Variants in CCDC110 observed in about 807,000 individuals in gnomAD.
CCDC110 encodes coiled-coil domain-containing protein 110.
CCDC110 carries 70 observed loss-of-function variants against 77.1 expected under a neutral mutation model. The ratio of observed to expected loss-of-function variants is 0.91; its 90% CI spans 0.75 to 1.11. The LOEUF (loss-of-function observed/expected upper bound fraction) is 1.11, where lower values mean the gene tolerates loss of function less well. Ranked by LOEUF, CCDC110 falls within the 50% of genes least tolerant of loss-of-function variation. CCDC110 has a pLI of 0.00. For missense variants in CCDC110, 868 were observed against 942.9 expected (o/e 0.92, Z 1.04); for synonymous variants, 295 against 312.5 (o/e 0.94, Z 0.59).
chr4:185,446,238 A>G (rs557209232), intron 6 of CCDC110, among the ~76,000 whole-genome samples: 141 of 152,366 alleles, frequency 9.3e-4, no homozygotes, highest in Non-Finnish European at 1.7e-3. Context: ...TAACATTTTT[A>G]TGAATTAAAA....
chr4:185,460,898 T>C, intron 5 of CCDC110, 151 bp downstream of exon 5: 1 of 587,082 alleles, frequency 1.7e-6, no homozygotes. Flanking sequence ...ATACACATCT[T>C]TTAAGGTTTT....
In CCDC110 at chr4:185,445,493, TGA is replaced by T; in HGVS notation, c.*7_*8del. The T allele has an allele frequency of 6.4e-7, 1 of 1,566,940 alleles. No individual in the cohort carries two copies. Among genetic ancestry groups the T allele is most frequent in the Non-Finnish European group, 8.8e-7 (1 of 1,142,610 alleles). On this transcript the variant is annotated 3_prime_UTR_variant, in exon 7 of 7. Transcript: ENST00000307588. ...CTCGAAGGGAGTTTCTTAGCAATCT[TGA>T]GGAATCCTAATGATGCTTGAGAGTT...
At chr4:185,471,084 G>T in intron 1 of CCDC110, 35 bp from the exon 2 acceptor site, 1 of 1,332,866 alleles carries the variant, frequency 7.5e-7, no homozygotes, top group Non-Finnish European at 1.0e-6. Flanking sequence ...TTCTGTCGCG[G>T]GTCGTGGCGT....
At position 185,471,709 on chromosome 4, in the gene CCDC110, C is replaced by T. The variant is rs1272020576; in HGVS notation, c.-26G>A. ...CGCCGCGGCTCATCTCTCTCGCAAC[C>T]GCCGCCGCACGCACCCGCTCCGCCG... On this transcript the variant is annotated 5_prime_UTR_variant, in exon 1 of 7. Coordinates refer to ENST00000307588, the MANE Select transcript of CCDC110 (RefSeq NM_152775.4). The T allele has an allele frequency of 2.0e-6, 3 of 1,533,576 alleles. No homozygotes were observed. Among genetic ancestry groups the T allele is most frequent in the African/African-American group, 1.4e-5 (1 of 69,462 alleles). 95.0% of individuals were successfully genotyped at this position (1,533,576 alleles called of 1,614,324 possible).
intron 6 of CCDC110, among the ~76,000 whole-genome samples, chr4:185,447,001 G>T (rs569676915): frequency 6.6e-6 from 1 of 152,094 alleles, no homozygotes; most frequent in East Asian, 1.9e-4. Flanking sequence ...TGCTGGTAAG[G>T]TTGTTCATTC....
At position 185,471,710 on chromosome 4, in the gene CCDC110, GCCGCCGCACGCACCCGCT is replaced by G. The variant is rs1196352455; in HGVS notation, c.-45_-28del. 7.8e-6 allele frequency: 12 copies of G among 1,532,398 alleles called. No homozygotes were observed. The East Asian group carries it at 3.3e-4, about 43-fold the overall frequency. 94.9% of individuals were successfully genotyped at this position (1,532,398 alleles called of 1,614,324 possible). A position where few individuals can be genotyped will look rare whatever the true frequency, so the allele number is the denominator to read the frequency against. On this transcript the variant is annotated 5_prime_UTR_variant, in exon 1 of 7. Transcript: ENST00000307588. ...GCCGCGGCTCATCTCTCTCGCAACC[GCCGCCGCACGCACCCGCT>G]CCGCCGCCCCGCGCAGGGCATCCTG...
chr4:185,459,825 C>A lies in CCDC110; in HGVS notation c.762G>T (p.Lys254Asn), dbSNP rs2095642743. The A allele has an allele frequency of 1.2e-6, 2 of 1,613,414 alleles. No homozygotes were observed. The highest frequency in any genetic ancestry group is 2.2e-5 in the South Asian group (2 of 90,812). Reference protein sequence around the residue: ...SIKQMKEELQKSHDGEVALTN... With the variant: ...SIKQMKEELQNSHDGEVALTN... ...TAAGTGCCACTTCCCCATCATGTGA[C>A]TTTTGAAGCTCTTCTTTCATTTGTT... The change falls in exon 6 of 7, where the codon AAG becomes AAT. Residue 254 changes from lysine (K) to asparagine (N), a missense_variant. Transcript: ENST00000307588.
chr4:185,457,800 A>G, intron 6 of CCDC110: 1 of 1,442,960 alleles, frequency 6.9e-7, no homozygotes, highest in Non-Finnish European at 9.2e-7. Flanking sequence ...CAAATGATAC[A>G]GTTTACTTGG....
At chr4:185,447,701 A>C (rs996601027) in intron 6 of CCDC110, among the ~76,000 whole-genome samples, 4 of 152,186 alleles carry the variant, frequency 2.6e-5, no homozygotes, top group African/African-American at 9.6e-5. Context: ...CTATGAATTC[A>C]ATTTCAGTAA....
Position 185,458,516 on chromosome 4 carries a change from TATAA to T in CCDC110, c.2067_2070del (p.Tyr690ArgfsTer18), listed in dbSNP as rs1446746110. On this transcript the variant is annotated frameshift_variant, in exon 6 of 7. Transcript: ENST00000307588. LOFTEE classifies it high-confidence loss of function. ...TTGCCAATTTCTGACAAGCTATTCTTATAAATACTTGCTTCTGATTTTGCATTTT... is the reference window on the plus strand; with the variant it reads ...TTGCCAATTTCTGACAAGCTATTCTTATACTTGCTTCTGATTTTGCATTTT... The T allele has an allele frequency of 1.2e-6, 2 of 1,608,536 alleles. No homozygotes were observed. Among genetic ancestry groups the T allele is most frequent in the African/African-American group, 1.3e-5 (1 of 74,676 alleles).
At position 185,459,975 on chromosome 4, in the gene CCDC110, T is replaced by C; in HGVS notation, c.612A>G (p.Leu204=). ...ACATCACATTTGGAGGTGCAGTAGG[T>C]AGAAAACGATAAAAGTTATTATAAT... ...LKNYNNFYRF[L]PTAPPNVMSQ... The change falls in exon 6 of 7, where the codon CTA becomes CTG. Residue 204 remains leucine, a synonymous_variant. Coordinates refer to ENST00000307588, the MANE Select transcript of CCDC110 (RefSeq NM_152775.4). 2 of 1,613,624 alleles carry C rather than the reference T, an allele frequency of 1.2e-6. No homozygotes were observed. Among genetic ancestry groups the C allele is most frequent in the Non-Finnish European group, 8.5e-7 (1 of 1,179,712 alleles).
In CCDC110 at chr4:185,445,256, A is replaced by G. The variant is rs984130982; in HGVS notation, c.*246T>C. The G allele has an allele frequency of 1.2e-6, 1 of 862,010 alleles. No individual in the cohort carries two copies. Among genetic ancestry groups the G allele is most frequent in the African/African-American group, 1.7e-5 (1 of 58,752 alleles). 53.4% of individuals were successfully genotyped at this position (862,010 alleles called of 1,614,324 possible). A position where few individuals can be genotyped will look rare whatever the true frequency, so the allele number is the denominator to read the frequency against. The stretch of plus-strand genomic sequence containing the variant: ...ATGACAAATGTGGGTGACTTTAGAC[A>G]TCTCAGCTCCTTCCATGTACAGGTA... On this transcript the variant is annotated 3_prime_UTR_variant, in exon 7 of 7. Coordinates refer to ENST00000307588, the MANE Select transcript of CCDC110 (RefSeq NM_152775.4).
At chr4:185,470,877 G>A in intron 2 of CCDC110, 68 bp downstream of exon 2, 2 of 1,130,832 alleles carry the variant, frequency 1.8e-6, no homozygotes, top group South Asian at 2.5e-5. Context: ...CAGGTGAGCA[G>A]GTGGCACAGG....
At chr4:185,447,494 T>C (rs1437488055) in intron 6 of CCDC110, among the ~76,000 whole-genome samples, 1 of 152,200 alleles carries the variant, frequency 6.6e-6, no homozygotes, top group Non-Finnish European at 1.5e-5. Context: ...TTATATTTTT[T>C]CAAAACATTT....
chr4:185,446,511 T>A (rs1458243120), intron 6 of CCDC110, among the ~76,000 whole-genome samples: 1 of 152,164 alleles, frequency 6.6e-6, no homozygotes, highest in Non-Finnish European at 1.5e-5. Context: ...AGCTTCAATA[T>A]GTATCCAATT....
chr4:185,462,720 G>C lies in CCDC110; in HGVS notation c.172-12C>G, dbSNP rs572519052. Reference sequence around the variant, plus strand: ...TGCTGCTGAAGGACCTATGACAAAAGTAAAGTATGAAATTGAGTATTTTTA... The same window carrying C: ...TGCTGCTGAAGGACCTATGACAAAACTAAAGTATGAAATTGAGTATTTTTA... On this transcript the variant is annotated splice_polypyrimidine_tract_variant and intron_variant, in intron 3 of 6. Transcript: ENST00000307588. The C allele has an allele frequency of 6.2e-7, 1 of 1,609,714 alleles. No homozygotes were observed. Among genetic ancestry groups the C allele is most frequent in the South Asian group, 1.1e-5 (1 of 90,980 alleles).
intron 2 of CCDC110, among the ~76,000 whole-genome samples, chr4:185,465,487 A>G (rs556792358): frequency 6.6e-6 from 1 of 152,190 alleles, no homozygotes; most frequent in Non-Finnish European, 1.5e-5. Context: ...ACTGTTACTA[A>G]GCAGCTTAGT....
At chr4:185,467,703 A>G (rs2095658750) in intron 2 of CCDC110, among the ~76,000 whole-genome samples, 1 of 152,250 alleles carries the variant, frequency 6.6e-6, no homozygotes, top group Admixed American at 6.5e-5. Context: ...TATTGTATTC[A>G]ATGTATACAA....
At chr4:185,460,945 C>G (rs1305038174) in intron 5 of CCDC110, 104 bp downstream of exon 5, 1 of 663,276 alleles carries the variant, frequency 1.5e-6, no homozygotes, top group Non-Finnish European at 2.9e-6. Context: ...CTCTGATGGT[C>G]CATTTTTCCT....
Sources: gnomAD v4.1 joint callset for allele counts (sites outside exome capture counted in the v4.1 genomes callset) on GRCh38, gnomAD v4.1.1 for gene constraint, MANE v1.5 for transcripts, NCBI Gene and HGNC (gene_info 2026-07-23, HGNC 2026-07-21) for gene names.